Variants in NFKBIZ observed in about 807,000 individuals in gnomAD.
The protein encoded by NFKBIZ is NFKB inhibitor zeta, also known as NF-kappa-B inhibitor zeta.
In NFKBIZ, 19 loss-of-function variants were observed where a neutral mutation model predicts 76.8. That is an observed-to-expected ratio of 0.25 (90% CI 0.17 to 0.36). The LOEUF (loss-of-function observed/expected upper bound fraction) is 0.36, where lower values mean the gene tolerates loss of function less well. NFKBIZ is among the 10% of genes least tolerant of loss of function. NFKBIZ has a pLI of 1.00. For missense variants in NFKBIZ, 829 were observed against 910.9 expected (o/e 0.91, Z 1.16); for synonymous variants, 368 against 354.8 (o/e 1.04, Z -0.42).
In NFKBIZ at chr3:101,835,319, A is replaced by T. The variant is rs1942704484; in HGVS notation, c.-12+5631A>T. Among the ~76,000 whole-genome samples the T allele has an allele frequency of 3.3e-5, 5 of 152,222 alleles. No homozygotes were observed. The South Asian group carries it at 1.0e-3, about 31-fold the overall frequency. On this transcript the variant is annotated intron_variant, in intron 2 of 12. Coordinates refer to the NFKBIZ transcript ENST00000394054. Reference sequence around the variant, plus strand: ...GGCAAGAATTCTAGCTTGGGTAAAAATTTGGAGGCAAGAATTAGTGTGCTA... The same window carrying T: ...GGCAAGAATTCTAGCTTGGGTAAAATTTTGGAGGCAAGAATTAGTGTGCTA...
chr3:101,852,607 A>G, intron 2 of NFKBIZ, 131 bp from the exon 3 acceptor site: 1 of 635,182 alleles, frequency 1.6e-6, no homozygotes, highest in Admixed American at 3.4e-5. Flanking sequence ...TAGAAAATCA[A>G]TATTGATAGA....
Position 101,857,061 on chromosome 3 carries a change from G to A in NFKBIZ, c.1825-12G>A. The A allele has an allele frequency of 2.0e-6, 3 of 1,526,120 alleles. No homozygotes were observed. The highest frequency in any genetic ancestry group is 1.8e-6 in the Non-Finnish European group (2 of 1,113,630). The allele number at this position is 1,526,120 out of a possible 1,614,324, so 94.5% of individuals were successfully genotyped here. A position where few individuals can be genotyped will look rare whatever the true frequency, so the allele number is the denominator to read the frequency against. ...TTTTTTTTTTTTTTTCCTCCCTCTT[G>A]CCTTTGACAAGGATCGCAAAAGTGG... On this transcript the variant is annotated splice_polypyrimidine_tract_variant and intron_variant, in intron 9 of 11. Coordinates refer to ENST00000326172, the MANE Select transcript of NFKBIZ (RefSeq NM_031419.4).
upstream of NFKBIZ, among the ~76,000 whole-genome samples, chr3:101,847,226 T>C (rs948043853): frequency 8.5e-5 from 13 of 152,284 alleles, no homozygotes; most frequent in African/African-American, 2.4e-4. Context: ...TCCAGTCGAA[T>C]TGACACATCA....
At chr3:101,849,269 G>A, upstream of NFKBIZ, 1 of 179,206 alleles carries the variant, frequency 5.6e-6, no homozygotes, top group Non-Finnish European at 1.2e-5. Flanking sequence ...GAAGCCGCGC[G>A]CTGTCGGGGT....
chr3:101,855,797 T>C lies in NFKBIZ; in HGVS notation c.1719T>C (p.Asn573=). Residue 573 remains asparagine (N), a synonymous_variant, in exon 9 of 12, where the codon AAT becomes AAC. Transcript: ENST00000326172. The stretch of plus-strand genomic sequence containing the variant: ...CTGTGGTCCATGAACTCCAGAGAAA[T>C]CAACAGCCTCATTCACCTGAAGTTC... ...HNAVVHELQR[N]QQPHSPEVQE... 6.2e-7 allele frequency: 1 copy of C among 1,614,090 alleles called. No individual in the cohort carries two copies. The highest frequency in any genetic ancestry group is 8.5e-7 in the Non-Finnish European group (1 of 1,180,004).
chr3:101,831,331 G>T (rs1942644465), intron 2 of NFKBIZ, among the ~76,000 whole-genome samples: 1 of 152,186 alleles, frequency 6.6e-6, no homozygotes, highest in Non-Finnish European at 1.5e-5. Flanking sequence ...TTCATCAGGG[G>T]ATGATTAGGA....
At chr3:101,846,874 A>T (rs1942859631), upstream of NFKBIZ, among the ~76,000 whole-genome samples, 1 of 152,232 alleles carries the variant, frequency 6.6e-6, no homozygotes, top group Admixed American at 6.5e-5. Context: ...GCCATCCATA[A>T]GCTGAAGAAC....
intron 2 of NFKBIZ, among the ~76,000 whole-genome samples, chr3:101,832,067 A>G (rs969057360): frequency 6.6e-6 from 1 of 152,126 alleles, no homozygotes; most frequent in Non-Finnish European, 1.5e-5. Context: ...GCATGCCAGC[A>G]TGCCAAGCTT....
At chr3:101,855,614 G>A (rs1943038478) in intron 8 of NFKBIZ, 119 bp from the exon 9 acceptor site, 1 of 1,269,234 alleles carries the variant, frequency 7.9e-7, no homozygotes, top group South Asian at 1.4e-5. Flanking sequence ...TGCCTTACTA[G>A]TTCTTGTGGA....
chr3:101,843,469 T>C (rs1942813502), intron 2 of NFKBIZ, among the ~76,000 whole-genome samples: 1 of 152,104 alleles, frequency 6.6e-6, no homozygotes, highest in African/African-American at 2.4e-5. Flanking sequence ...TGTCACAATA[T>C]CTTATGTTGG....
chr3:101,839,033 AT>A (rs1401677799), intron 2 of NFKBIZ, among the ~76,000 whole-genome samples: 2 of 152,188 alleles, frequency 1.3e-5, no homozygotes, highest in Non-Finnish European at 2.9e-5. Context: ...AAGTATTATT[AT>A]ATTATGGATC....
At chr3:101,851,641 C>A (rs1942966137) in intron 1 of NFKBIZ, among the ~76,000 whole-genome samples, 1 of 152,222 alleles carries the variant, frequency 6.6e-6, no homozygotes, top group Non-Finnish European at 1.5e-5. Flanking sequence ...AAAAGTGCAT[C>A]ATTTATCACT....
upstream of NFKBIZ, chr3:101,849,434 G>T: frequency 2.5e-6 from 1 of 396,396 alleles, no homozygotes; most frequent in Non-Finnish European, 4.3e-6. Flanking sequence ...CCCGGGCACC[G>T]CCAATGGCCG....
Position 101,853,663 on chromosome 3 carries a change from C to T in NFKBIZ, c.1137C>T (p.Ser379=), listed in dbSNP as rs754960007. The change falls in exon 5 of 12, where the codon AGC becomes AGT. Residue 379 remains serine (S), a synonymous_variant. Coordinates refer to ENST00000326172, the MANE Select transcript of NFKBIZ (RefSeq NM_031419.4). ...AHLHSFSMMP[S]SACEAMVGHE... ...TGCACAGCTTCAGCATGATGCCCAG[C>T]AGCGCCTGTGAGGCCATGGTGGGGC... 4.3e-6 allele frequency: 7 copies of T among 1,614,250 alleles called. No individual in the cohort carries two copies. In the Admixed American group the frequency reaches 1.0e-4, roughly 23 times the overall value.
intron 2 of NFKBIZ, among the ~76,000 whole-genome samples, chr3:101,843,831 A>G (rs922082864): frequency 6.6e-6 from 1 of 152,252 alleles, no homozygotes; most frequent in African/African-American, 2.4e-5. Flanking sequence ...ATTTCATTAT[A>G]TAATATAAAA....
Position 101,828,803 on chromosome 3 carries a change from A to T in NFKBIZ, c.-88+619A>T, listed in dbSNP as rs1292711652. ...TGTTTGAATAAAAGCACATTTCTAA[A>T]TAGAATGGATTAGAGATTCTCTTCA... On this transcript the variant is annotated intron_variant, in intron 1 of 12. Coordinates refer to the NFKBIZ transcript ENST00000394054. 4.6e-5 allele frequency among the ~76,000 whole-genome samples: 7 copies of T among 152,338 alleles called. No homozygotes were observed. In the South Asian group the frequency reaches 1.2e-3, roughly 27 times the overall value.
intron 2 of NFKBIZ, among the ~76,000 whole-genome samples, chr3:101,842,800 G>C (rs756653472): frequency 5.3e-5 from 8 of 150,922 alleles, no homozygotes; most frequent in Non-Finnish European, 7.4e-5. Flanking sequence ...AGTGGGCAAG[G>C]CTGGATGGGT....
upstream of NFKBIZ, among the ~76,000 whole-genome samples, chr3:101,845,411 G>A (rs959540972): frequency 2.7e-5 from 4 of 149,278 alleles, no homozygotes; most frequent in Non-Finnish European, 5.9e-5. Flanking sequence ...CTCCCACTTC[G>A]GCCTCCCAAG....
intron 2 of NFKBIZ, among the ~76,000 whole-genome samples, chr3:101,835,441 C>A (rs1055147370): frequency 6.6e-6 from 1 of 152,188 alleles, no homozygotes; most frequent in Non-Finnish European, 1.5e-5. Context: ...TAACACAATA[C>A]CACAGGCTGC....
Sources: allele counts gnomAD v4.1 joint callset (sites outside exome capture counted in the v4.1 genomes callset), GRCh38; gene constraint gnomAD v4.1.1; transcripts MANE v1.5; gene names NCBI Gene and HGNC (gene_info 2026-07-23, HGNC 2026-07-21).